The following TRPM3 variants were observed in gnomAD, a reference collection of about 807,000 sequenced individuals.
TRPM3 encodes the protein long transient receptor potential channel 3.
A neutral mutation model predicts 181.2 loss-of-function variants in TRPM3; 77 were observed. That is an observed-to-expected ratio of 0.42 (90% CI 0.35 to 0.51). The LOEUF (loss-of-function observed/expected upper bound fraction) is 0.51, where lower values mean the gene tolerates loss of function less well. TRPM3 is among the 20% of genes least tolerant of loss of function. The pLI is 0.01. For missense variants in TRPM3, 1,759 were observed against 2,196.7 expected (o/e 0.80, Z 3.98); for synonymous variants, 745 against 796.4 (o/e 0.94, Z 1.09).
chr9:71,335,689 G>GT (rs1277236955), intron 1 of TRPM3, among the ~76,000 whole-genome samples: 1 of 152,082 alleles, frequency 6.6e-6, no homozygotes, highest in Non-Finnish European at 1.5e-5. Context: ...TTTAAAAGGA[G>GT]TTATTTCCCA....
intron 25 of TRPM3, among the ~76,000 whole-genome samples, chr9:70,539,432 C>T (rs1414819930): frequency 6.6e-6 from 1 of 151,938 alleles, no homozygotes; most frequent in Non-Finnish European, 1.5e-5. Flanking sequence ...TCCCTTCACC[C>T]AGCCAAAGGT....
intron 1 of TRPM3, among the ~76,000 whole-genome samples, chr9:71,228,640 C>G (rs75512086): frequency 6.6e-6 from 1 of 152,068 alleles, no homozygotes; most frequent in Admixed American, 6.6e-5. Context: ...ACAGAATCAA[C>G]ATACAAAAAT....
chr9:70,990,560 T>C (rs2097470572), intron 1 of TRPM3, among the ~76,000 whole-genome samples: 1 of 152,156 alleles, frequency 6.6e-6, no homozygotes, highest in African/African-American at 2.4e-5. Context: ...ACACCCTGGG[T>C]TTGAAATGTT....
At chr9:71,296,860 A>G (rs866550289) in intron 1 of TRPM3, among the ~76,000 whole-genome samples, 1 of 152,202 alleles carries the variant, frequency 6.6e-6, no homozygotes, top group Admixed American at 6.5e-5. Flanking sequence ...AATTGAGCTC[A>G]TAAGTTTTGG....
chr9:71,087,282 G>A (rs1208092595), intron 1 of TRPM3, among the ~76,000 whole-genome samples: 1 of 151,828 alleles, frequency 6.6e-6, no homozygotes, highest in African/African-American at 2.4e-5. Flanking sequence ...ATTTCCTCTT[G>A]GAAGTTTTAC....
chr9:71,161,550 A>G (rs888714515), intron 1 of TRPM3, among the ~76,000 whole-genome samples: 2 of 152,178 alleles, frequency 1.3e-5, no homozygotes, highest in Non-Finnish European at 2.9e-5. Context: ...TGAAAATAAT[A>G]TAAGGGCTTT....
intron 1 of TRPM3, among the ~76,000 whole-genome samples, chr9:71,115,554 G>A (rs2072168352): frequency 1.3e-5 from 2 of 152,188 alleles, no homozygotes; most frequent in Non-Finnish European, 2.9e-5. Flanking sequence ...CAACAGAAGA[G>A]CAGAGGGGAG....
At chr9:70,608,035 G>C (rs1304542491) in intron 19 of TRPM3, among the ~76,000 whole-genome samples, 1 of 152,220 alleles carries the variant, frequency 6.6e-6, no homozygotes, top group Non-Finnish European at 1.5e-5. Flanking sequence ...CAATCACCGA[G>C]TTTCGGTCAA....
chr9:71,313,862 C>T (rs2088267371), intron 1 of TRPM3, among the ~76,000 whole-genome samples: 1 of 152,062 alleles, frequency 6.6e-6, no homozygotes, highest in Admixed American at 6.6e-5. Context: ...TATAATGAAG[C>T]AGAAGAAAAC....
chr9:70,571,607 C>T (rs1424473934), intron 22 of TRPM3, among the ~76,000 whole-genome samples: 1 of 151,946 alleles, frequency 6.6e-6, no homozygotes, highest in African/African-American at 2.4e-5. Flanking sequence ...CATAGGGTTC[C>T]ACAGAATACA....
At chr9:70,644,526 C>G (rs2058521397) in intron 9 of TRPM3, among the ~76,000 whole-genome samples, 1 of 152,154 alleles carries the variant, frequency 6.6e-6, no homozygotes, top group Non-Finnish European at 1.5e-5. Flanking sequence ...GCTAAAAACT[C>G]TCAATAAACT....
intron 5 of TRPM3, 71 bp from the exon 6 acceptor site, chr9:70,828,089 C>T (rs2093662998): frequency 6.9e-7 from 1 of 1,445,686 alleles, no homozygotes; most frequent in Non-Finnish European, 9.5e-7. Context: ...GAGAATCAGA[C>T]AGAGGAAAGA....
chr9:70,816,969 T>C (rs1015553151), intron 6 of TRPM3, among the ~76,000 whole-genome samples: 28 of 152,246 alleles, frequency 1.8e-4, no homozygotes, highest in Non-Finnish European at 2.8e-4. Flanking sequence ...GACTTGCAGC[T>C]GCAGGAGCTA....
At chr9:70,570,156 G>A (rs17458569) in intron 22 of TRPM3, among the ~76,000 whole-genome samples, 34,398 of 151,528 alleles carry the variant, frequency 0.23, 4,745 homozygotes, top group Admixed American at 0.31. Context: ...GCAATCCATC[G>A]CTAGCCTAAC....
chr9:71,400,700 G>T (rs746102225), intron 1 of TRPM3, among the ~76,000 whole-genome samples: 1 of 151,676 alleles, frequency 6.6e-6, no homozygotes, highest in Non-Finnish European at 1.5e-5. Flanking sequence ...TGGTAAAGAG[G>T]TATAATCTAC....
intron 1 of TRPM3, among the ~76,000 whole-genome samples, chr9:71,190,732 C>T (rs888801866): frequency 4.0e-5 from 6 of 151,810 alleles, no homozygotes; most frequent in African/African-American, 1.5e-4. Flanking sequence ...TTGCAGGATG[C>T]CAAGCATTAT....
chr9:70,808,414 C>T (rs1319531019), intron 6 of TRPM3, among the ~76,000 whole-genome samples: 1 of 152,116 alleles, frequency 6.6e-6, no homozygotes, highest in Admixed American at 6.5e-5. Flanking sequence ...AGTCTCTTTG[C>T]TGAAAAAAGG....
At chr9:71,214,895 C>T (rs1191230768) in intron 1 of TRPM3, among the ~76,000 whole-genome samples, 1 of 152,064 alleles carries the variant, frequency 6.6e-6, no homozygotes, top group Non-Finnish European at 1.5e-5. Context: ...TTTGATGCTT[C>T]CCTGAGTCCT....
At chr9:71,442,562 G>A (rs1056291044) in intron 1 of TRPM3, among the ~76,000 whole-genome samples, 1 of 152,154 alleles carries the variant, frequency 6.6e-6, no homozygotes, top group Non-Finnish European at 1.5e-5. Context: ...AATTGTACAT[G>A]TATATTTTAC....
Sources: allele counts gnomAD v4.1 joint callset (sites outside exome capture counted in the v4.1 genomes callset), GRCh38; gene constraint gnomAD v4.1.1; transcripts MANE v1.5; gene names NCBI Gene and HGNC (gene_info 2026-07-23, HGNC 2026-07-21).